WDR87: variants seen among roughly 807,000 people sequenced by gnomAD.
The protein encoded by WDR87 is WD repeat domain 87.
Under a neutral mutation model 83.3 loss-of-function variants are expected in WDR87, and 56 were observed. The ratio of observed to expected loss-of-function variants is 0.67; its 90% confidence interval spans 0.54 to 0.84. The LOEUF (loss-of-function observed/expected upper bound fraction) is 0.84. Among genes scored for constraint, WDR87 ranks in the 40% least tolerant of loss-of-function variants. The probability of loss-of-function intolerance (pLI) is 0.00; values close to 1 mark genes in which losing one functional copy is unlikely to be tolerated. For missense variants in WDR87, 2,939 were observed against 3,431.9 expected (o/e 0.86, Z 3.59); for synonymous variants, 1,173 against 1,250.6 (o/e 0.94, Z 1.31).
In WDR87 at chr19:37,886,122, C is replaced by T. The variant is rs747653656; in HGVS notation, c.7549G>A (p.Glu2517Lys). 1.2e-5 allele frequency: 18 copies of T among 1,551,612 alleles called. No individual in the cohort carries two copies. Among genetic ancestry groups the T allele is most frequent in the Non-Finnish European group, 1.6e-5 (18 of 1,147,012 alleles). The change falls in exon 6 of 6, where the codon GAG (glutamate) becomes AAG (lysine). Residue 2517 changes from glutamate to lysine, a missense_variant. This residue lies in a region of WDR87 where 2,160 missense variants were observed against 2,533.1 expected (regional missense o/e 0.85). Coordinates refer to ENST00000447313, the MANE Select transcript of WDR87 (RefSeq NM_001291088.2). ...CCTAGTGGTTTGTGTTGGAGTTCCT[C>T]AGCTTCCACGGTCCTCCTTAATATG... ...SHILRRTVEA[E>K]ELQHKPLGAW...
Position 37,885,627 on chromosome 19 carries a change from C to A in WDR87, c.8044G>T (p.Gly2682Ter), listed in dbSNP as rs752669541. 6.4e-7 allele frequency: 1 copy of A among 1,551,722 alleles called. No individual in the cohort carries two copies. Among genetic ancestry groups the A allele is most frequent in the Non-Finnish European group, 8.7e-7 (1 of 1,146,980 alleles). ...GCCCTCTCACTTCTGTAAGGTTCTCCTAGAAGATGCCAATTTTTAGCCCTT... is the reference window on the plus strand; with the variant it reads ...GCCCTCTCACTTCTGTAAGGTTCTCATAGAAGATGCCAATTTTTAGCCCTT... The part of the protein sequence containing the change: ...DPRAKNWHLL[G>*]EPYRSERAQQ... Residue 2682 changes from glycine to a stop codon, truncating the protein, a stop_gained, in exon 6 of 6, where the codon GGA (glycine) becomes TGA (stop). Transcript: ENST00000447313. LOFTEE classifies it low-confidence loss of function (END_TRUNC).
In WDR87 at chr19:37,890,214, C is replaced by A. The variant is rs772960049; in HGVS notation, c.3457G>T (p.Glu1153Ter). ...CTTTCATCCTCTAAGAGGCCTGGCTCTGTGCTCATCTGTTTAGAGTCTCTC... is the reference window on the plus strand; with the variant it reads ...CTTTCATCCTCTAAGAGGCCTGGCTATGTGCTCATCTGTTTAGAGTCTCTC... Reference protein sequence around the residue: ...KERDSKQMSTEPGLLEDESGT... With the variant: ...KERDSKQMST Residue 1153 changes from glutamate to a stop codon, truncating the protein, a stop_gained, in exon 6 of 6, where the codon GAG becomes TAG. Coordinates refer to ENST00000447313, the MANE Select transcript of WDR87 (RefSeq NM_001291088.2). LOFTEE classifies it low-confidence loss of function (END_TRUNC). 1.3e-6 allele frequency: 2 copies of A among 1,551,472 alleles called. No homozygotes were observed. The highest frequency in any genetic ancestry group is 2.7e-5 in the African/African-American group (2 of 73,014).
rs2046256602 is a variant in WDR87 at position 37,896,439 on chromosome 19, A to AG, written c.76-132_76-131insC. ...CGAAGGACCTACTCCTGTTACACTC[A>AG]CACGTGCATAACTTATCACCTGTGG... On this transcript the variant is annotated intron_variant, in intron 2 of 5. Transcript: ENST00000447313. 9.0e-6 allele frequency: 7 copies of AG among 775,388 alleles called. 1 individual carries two copies. In the South Asian group the frequency reaches 1.3e-4, roughly 15 times the overall value. 48.0% of individuals were successfully genotyped at this position (775,388 alleles called of 1,614,324 possible).
At position 37,890,259 on chromosome 19, in the gene WDR87, C is replaced by A; in HGVS notation, c.3412G>T (p.Gly1138Cys). ...TCTCTCTCTTTCGTCTTCTTGAGAC[C>A]CCGCAACCATTTTTGGCCTGCAGTA... ...VKKHSQKWLR[G>C]LKKTKERDSK... The change falls in exon 6 of 6, where the codon GGT becomes TGT. Residue 1138 changes from glycine to cysteine, a missense_variant. Gly to Cys is a radical substitution (Grantham distance 159). Around this residue, in one of 3 missense-constraint regions of WDR87, gnomAD observed 2,160 missense variants for 2,533.1 expected, o/e 0.85. Coordinates refer to ENST00000447313, the MANE Select transcript of WDR87 (RefSeq NM_001291088.2). The A allele has an allele frequency of 6.5e-7, 1 of 1,528,406 alleles. No homozygotes were observed. The highest frequency in any genetic ancestry group is 8.8e-7 in the Non-Finnish European group (1 of 1,133,670). The allele number at this position is 1,528,406 out of a possible 1,614,324, so 94.7% of individuals were successfully genotyped here.
chr19:37,898,107 G>T lies in WDR87; in HGVS notation c.75+58C>A, dbSNP rs777839297. On this transcript the variant is annotated intron_variant, in intron 2 of 5. Coordinates refer to ENST00000447313, the MANE Select transcript of WDR87 (RefSeq NM_001291088.2). ...TCTGTGGCTCTTCTGAAATGCTCATGACTGTAAGACAGGTAGCAGCCAACC... is the reference window on the plus strand; with the variant it reads ...TCTGTGGCTCTTCTGAAATGCTCATTACTGTAAGACAGGTAGCAGCCAACC... 6.5e-6 allele frequency: 10 copies of T among 1,538,146 alleles called. No homozygotes were observed. The Admixed American group carries it at 1.2e-4, about 18-fold the overall frequency.
chr19:37,894,804 G>C lies in WDR87; in HGVS notation c.899C>G (p.Thr300Arg), dbSNP rs1407830398. ...CTTGATTAGGCTGTCACTACCAGCT[G>C]TTAGCAGGGTGTGGGCCTCTGGTCG... is the stretch of plus-strand genomic sequence containing the variant. ...RSRPEAHTLL[T>R]AGSDSLIKEW... Residue 300 changes from threonine to arginine, a missense_variant, in exon 4 of 6, where the codon ACA becomes AGA. Physicochemically the swap from Thr to Arg is moderately conservative, Grantham distance 71. Transcript: ENST00000447313. The C allele has an allele frequency of 1.9e-6, 3 of 1,551,630 alleles. No individual in the cohort carries two copies. The African/African-American group carries it at 4.1e-5, about 21-fold the overall frequency.
chr19:37,892,036 G>C (rs2046210021), intron 4 of WDR87, among the ~76,000 whole-genome samples: 1 of 152,184 alleles, frequency 6.6e-6, no homozygotes, highest in African/African-American at 2.4e-5. Flanking sequence ...GTAGAAGCAG[G>C]AGAAAAGGAT....
Position 37,887,244 on chromosome 19 carries a change from G to C in WDR87, c.6427C>G (p.Leu2143Val). 6.4e-7 allele frequency: 1 copy of C among 1,551,762 alleles called. No individual in the cohort carries two copies. Among genetic ancestry groups the C allele is most frequent in the Non-Finnish European group, 8.7e-7 (1 of 1,147,002 alleles). ...CTCAACCTGCGCTCCTTAACAAAGA[G>C]TGCCCTCTTCATCTTTGTCATTTTT... The part of the protein sequence containing the change: ...EIKMTKMKRA[L>V]FVKERRLSIE... Residue 2143 changes from leucine (L) to valine (V), a missense_variant, in exon 6 of 6, where the codon CTC becomes GTC. By Grantham distance (32) the Leu-to-Val change is conservative. Around this residue, in one of 3 missense-constraint regions of WDR87, gnomAD observed 2,160 missense variants for 2,533.1 expected, o/e 0.85. Coordinates refer to ENST00000447313, the MANE Select transcript of WDR87 (RefSeq NM_001291088.2).
Position 37,888,711 on chromosome 19 carries a change from TTC to T in WDR87, c.4958_4959del (p.Arg1653LysfsTer13), listed in dbSNP as rs1271656432. 1 of 1,551,854 alleles carries T rather than the reference TTC, an allele frequency of 6.4e-7. No homozygotes were observed. Among genetic ancestry groups the T allele is most frequent in the African/African-American group, 1.4e-5 (1 of 73,086 alleles). On this transcript the variant is annotated frameshift_variant, in exon 6 of 6. Coordinates refer to ENST00000447313, the MANE Select transcript of WDR87 (RefSeq NM_001291088.2). LOFTEE classifies it low-confidence loss of function (END_TRUNC). ...ATTTTCACGTATGCCTGGGCCAGTT[TTC>T]TCTCTTCCTGGGCCAACTGTCTCTC... ...QEERQLAQEERKLAQAYVKIT... is the reference protein window; with the variant it reads ...QEERQLAQEEXKLAQAYVKIT...
In WDR87 at chr19:37,887,123, C is replaced by T; in HGVS notation, c.6548G>A (p.Arg2183Lys). The change falls in exon 6 of 6, where the codon AGA becomes AAA. Residue 2183 changes from arginine (R) to lysine (K), a missense_variant. Physicochemically the swap from Arg to Lys is conservative, Grantham distance 26. Around this residue, in one of 3 missense-constraint regions of WDR87, gnomAD observed 2,160 missense variants for 2,533.1 expected, o/e 0.85. Transcript: ENST00000447313. ...KDEKKLARKQ[R>K]KLANKMRRMI... ...TCTTCTCATTTTGTTGGCCAGTTTT[C>T]TCTGCTTCCGAGCCAGTTTCTTCTC... The T allele has an allele frequency of 6.5e-7, 1 of 1,549,962 alleles. No homozygotes were observed.
Position 37,885,844 on chromosome 19 carries a change from A to G in WDR87, c.7827T>C (p.His2609=). ...GTCTGTGACGGTACACAATGGCTTC[A>G]TGTTTGGCCAGATGCAGCCATTCTA... The part of the protein sequence containing the change: ...GNLEWLHLAK[H]EAIVYRHRQA... The change falls in exon 6 of 6, where the codon CAT becomes CAC. Residue 2609 remains histidine (H), a synonymous_variant. Transcript: ENST00000447313. The G allele has an allele frequency of 6.4e-7, 1 of 1,551,866 alleles. No homozygotes were observed. The highest frequency in any genetic ancestry group is 8.7e-7 in the Non-Finnish European group (1 of 1,147,026).
intron 3 of WDR87, chr19:37,895,874 G>A: frequency 2.2e-6 from 1 of 461,254 alleles, no homozygotes; most frequent in East Asian, 3.9e-5. Flanking sequence ...GAGGACTCAA[G>A]TGATTTTATC....
At chr19:37,897,837 G>A (rs1432722386) in intron 2 of WDR87, among the ~76,000 whole-genome samples, 1 of 152,082 alleles carries the variant, frequency 6.6e-6, no homozygotes, top group Non-Finnish European at 1.5e-5. Flanking sequence ...GCAGTGGGCC[G>A]AGATCATGCC....
chr19:37,885,576 C>T lies in WDR87; in HGVS notation c.8095G>A (p.Glu2699Lys), dbSNP rs771246610. 14 of 1,551,592 alleles carry T rather than the reference C, an allele frequency of 9.0e-6. No homozygotes were observed. In the South Asian group the frequency reaches 1.1e-4, roughly 12 times the overall value. ...GGATAAAAGTATTGCATTTCCATCT[C>T]CTTGTGAGCAATGGATATCTGCTGT... ...RAQQISIAHK[E>K]MEMQYFYPAT... is the part of the protein sequence containing the mutation. Residue 2699 changes from glutamate (E) to lysine (K), a missense_variant, in exon 6 of 6, where the codon GAG (glutamate) becomes AAG (lysine). Glu to Lys is a moderately conservative substitution (Grantham distance 56, BLOSUM62 1). Around this residue, in one of 3 missense-constraint regions of WDR87, gnomAD observed 2,160 missense variants for 2,533.1 expected, o/e 0.85. Coordinates refer to ENST00000447313, the MANE Select transcript of WDR87 (RefSeq NM_001291088.2).
intron 3 of WDR87, among the ~76,000 whole-genome samples, chr19:37,895,766 CAAAAAA>C (rs36107860): frequency 3.6e-5 from 3 of 84,282 alleles, no homozygotes; most frequent in African/African-American, 4.9e-5. Context: ...GACTCTGTCT[CAAAAAA>C]AAAAAAAAAA....
Position 37,893,283 on chromosome 19 carries a change from C to G in WDR87, c.2420G>C (p.Arg807Pro), listed in dbSNP as rs766978784. ...WDGLNPYQIL[R>P]YYFGHGREWL... is the part of the protein sequence containing the mutation. ...TTCCCGCCCATGACCAAAGTAGTAT[C>G]GCAATATCTGATAGGGGTTGAGTCC... is the stretch of plus-strand genomic sequence containing the variant. The change falls in exon 4 of 6, where the codon CGA becomes CCA. Residue 807 changes from arginine to proline, a missense_variant. Transcript: ENST00000447313. The G allele has an allele frequency of 6.4e-7, 1 of 1,551,712 alleles. No homozygotes were observed.
chr19:37,904,870 C>A (rs1161027685), intron 1 of WDR87, among the ~76,000 whole-genome samples: 1 of 152,118 alleles, frequency 6.6e-6, no homozygotes, highest in East Asian at 1.9e-4. Flanking sequence ...GCTACTGCAG[C>A]TAATGCCGCA....
At position 37,888,788 on chromosome 19, in the gene WDR87, G is replaced by A; in HGVS notation, c.4883C>T (p.Ala1628Val). The stretch of plus-strand genomic sequence containing the variant: ...TTGTGCTAATTTCCTCTCTTCTTGG[G>A]CTCGTTTTTTTTCAGCTCGGGCTCG... ...RKRARAEKKR[A>V]QEERKLAQEE... The change falls in exon 6 of 6, where the codon GCC becomes GTC. Residue 1628 changes from alanine to valine, a missense_variant. Transcript: ENST00000447313. 1.3e-6 allele frequency: 2 copies of A among 1,551,500 alleles called. No individual in the cohort carries two copies. The highest frequency in any genetic ancestry group is 1.7e-6 in the Non-Finnish European group (2 of 1,146,966).
chr19:37,905,963 G>T (rs1420832985), intron 1 of WDR87, among the ~76,000 whole-genome samples: 1 of 152,130 alleles, frequency 6.6e-6, no homozygotes. Flanking sequence ...CACCCAACCT[G>T]ACATGGAATA....
Sources: gnomAD v4.1 joint callset for allele counts (sites outside exome capture counted in the v4.1 genomes callset) on GRCh38, gnomAD v4.1.1 for gene constraint, gnomAD v4.1.1 regional missense constraint, MANE v1.5 for transcripts, NCBI Gene and HGNC (gene_info 2026-07-23, HGNC 2026-07-21) for gene names.